The following HLCS variants were observed in gnomAD, a reference collection of about 807,000 sequenced individuals.
HLCS encodes the protein holocarboxylase synthetase.
A neutral mutation model predicts 75.0 loss-of-function variants in HLCS; 53 were observed. The ratio of observed to expected loss-of-function variants is 0.71; its 90% confidence interval spans 0.57 to 0.89. The LOEUF is 0.89. Among genes scored for constraint, HLCS ranks in the 40% least tolerant of loss-of-function variants. The pLI is 0.00. For missense variants in HLCS, 966 were observed against 1,074.0 expected, an observed-to-expected ratio of 0.90 and a Z score of 1.41; for synonymous variants, 431 against 428.6, an observed-to-expected ratio of 1.01 and a Z score of -0.07.
chr21:36,796,935 C>T (rs376106339), intron 6 of HLCS, among the ~76,000 whole-genome samples: 6 of 151,454 alleles, frequency 4.0e-5, no homozygotes, highest in African/African-American at 9.7e-5. Context: ...GGAGTGATCT[C>T]GGCTCACTGC....
chr21:36,909,833 T>TTTC (rs2065624393), intron 5 of HLCS, among the ~76,000 whole-genome samples: 1 of 152,242 alleles, frequency 6.6e-6, no homozygotes, highest in Non-Finnish European at 1.5e-5. Context: ...ATTCAAAATA[T>TTTC]TTCTTATGAT....
intron 2 of HLCS, among the ~76,000 whole-genome samples, chr21:36,949,281 G>A (rs1266269984): frequency 2.0e-5 from 3 of 152,264 alleles, no homozygotes; most frequent in African/African-American, 2.4e-5. Context: ...GCATCAGGTA[G>A]AGTGACTAAA....
chr21:36,809,295 C>CA (rs1263198113), intron 6 of HLCS, among the ~76,000 whole-genome samples: 1 of 152,110 alleles, frequency 6.6e-6, no homozygotes, highest in Non-Finnish European at 1.5e-5. Context: ...TTCTGGTCTG[C>CA]AAGGTTTCCA....
intron 2 of HLCS, among the ~76,000 whole-genome samples, chr21:36,942,104 C>T (rs2067167751): frequency 6.6e-6 from 1 of 151,938 alleles, no homozygotes; most frequent in African/African-American, 2.4e-5. Context: ...ACTCAGGAGG[C>T]AGAGGTTGCA....
intron 5 of HLCS, among the ~76,000 whole-genome samples, chr21:36,898,443 T>C (rs1430868502): frequency 2.0e-4 from 7 of 34,358 alleles, no homozygotes; most frequent in Non-Finnish European, 2.7e-4. Flanking sequence ...TGAAACTCCA[T>C]CTCAAAAAAA....
intron 6 of HLCS, among the ~76,000 whole-genome samples, chr21:36,892,957 C>T: frequency 6.6e-6 from 1 of 152,276 alleles, no homozygotes; most frequent in Admixed American, 6.5e-5. Context: ...ATAGTTTCAT[C>T]AAAGTGATAG....
At chr21:36,816,639 C>T (rs541968436) in intron 6 of HLCS, among the ~76,000 whole-genome samples, 3 of 152,270 alleles carry the variant, frequency 2.0e-5, no homozygotes, top group South Asian at 2.1e-4. Flanking sequence ...TCAAGCTAAG[C>T]CTCTACTGAG....
intron 6 of HLCS, among the ~76,000 whole-genome samples, chr21:36,815,370 T>C (rs935531484): frequency 1.3e-5 from 2 of 152,142 alleles, no homozygotes; most frequent in East Asian, 1.9e-4. Context: ...ATACAAAGAT[T>C]TGGTCTCTTC....
intron 6 of HLCS, among the ~76,000 whole-genome samples, chr21:36,875,737 C>A (rs531776429): frequency 2.6e-5 from 4 of 152,334 alleles, no homozygotes; most frequent in South Asian, 4.1e-4. Flanking sequence ...TTCCTGGATG[C>A]AGGACAAGAA....
intron 2 of HLCS, among the ~76,000 whole-genome samples, chr21:36,952,097 C>T (rs982516341): frequency 6.6e-6 from 1 of 151,800 alleles, no homozygotes; most frequent in Non-Finnish European, 1.5e-5. Context: ...ATATAAGATC[C>T]CATCAATTCA....
At chr21:36,817,723 G>A (rs1236858509) in intron 6 of HLCS, among the ~76,000 whole-genome samples, 3 of 152,178 alleles carry the variant, frequency 2.0e-5, no homozygotes, top group Non-Finnish European at 4.4e-5. Flanking sequence ...CTCCATTATT[G>A]GGAATGTTTA....
At chr21:36,816,706 G>A (rs1004592061) in intron 6 of HLCS, among the ~76,000 whole-genome samples, 1 of 152,184 alleles carries the variant, frequency 6.6e-6, no homozygotes, top group African/African-American at 2.4e-5. Context: ...ATGTGTTGTA[G>A]ATATAGAAAA....
rs1225315247 is a variant in HLCS at position 36,930,446 on chromosome 21, G to A, written c.1438-13C>T. The stretch of plus-strand genomic sequence containing the variant: ...GTTCTAAGTGCACCTGAAGGGGAAA[G>A]ATAGCACTATGTAAACTGAGGGCAC... On this transcript the variant is annotated splice_polypyrimidine_tract_variant and intron_variant, in intron 4 of 10. Coordinates refer to ENST00000674895, the MANE Select transcript of HLCS (RefSeq NM_001352514.2). 1 of 1,609,562 alleles carries A rather than the reference G, an allele frequency of 6.2e-7. No individual in the cohort carries two copies. Among genetic ancestry groups the A allele is most frequent in the Non-Finnish European group, 8.5e-7 (1 of 1,175,886 alleles).
At chr21:36,930,466 G>T in intron 4 of HLCS, 33 bp from the exon 5 acceptor site, 3 of 1,544,616 alleles carry the variant, frequency 1.9e-6, no homozygotes, top group Non-Finnish European at 2.7e-6. Flanking sequence ...TGTAAACTGA[G>T]GGCACTCACA....
In HLCS at chr21:36,962,108, T is replaced by C. The variant is rs2068327951; in HGVS notation, c.258A>G (p.Glu86=). The C allele has an allele frequency of 7.8e-7, 1 of 1,289,162 alleles. No individual in the cohort carries two copies. The highest frequency in any genetic ancestry group is 1.0e-6 in the Non-Finnish European group (1 of 988,272). The allele number at this position is 1,289,162 out of a possible 1,614,324, so 79.9% of individuals were successfully genotyped here. The change falls in exon 2 of 11, where the codon GAA becomes GAG. Residue 86 remains glutamate, a synonymous_variant. Transcript: ENST00000674895. ...TGCTCTCCGTCACAAATGCTATGTG[T>C]TCTGCTTCAAGTATAAAAGGAGACA... is the stretch of plus-strand genomic sequence containing the variant. ...FLVSPFILEA[E]HIAFVTESIW... is the part of the protein sequence containing the mutation.
rs938992671 is a variant in HLCS at position 36,936,460 on chromosome 21, C to T, written c.1426G>A (p.Val476Ile). The T allele has an allele frequency of 3.1e-6, 5 of 1,614,002 alleles. No individual in the cohort carries two copies. The highest frequency in any genetic ancestry group is 3.4e-6 in the Non-Finnish European group (4 of 1,179,836). Reference sequence around the variant, plus strand: ...GCTGCCCTGAGTACCTGGCAAAGAACAGCTTCTCCCCCGCGAGTTCCAAAA... The same window carrying T: ...GCTGCCCTGAGTACCTGGCAAAGAATAGCTTCTCCCCCGCGAGTTCCAAAA... ...VPFGTRGGEA[V>I]LCQVHLELPP... is the part of the protein sequence containing the mutation. Residue 476 changes from valine (V) to isoleucine (I), a missense_variant, in exon 4 of 11, where the codon GTT becomes ATT. Coordinates refer to ENST00000674895, the MANE Select transcript of HLCS (RefSeq NM_001352514.2).
At chr21:36,964,269 T>A (rs1293402869) in intron 1 of HLCS, among the ~76,000 whole-genome samples, 2 of 152,156 alleles carry the variant, frequency 1.3e-5, no homozygotes. Context: ...TCAGCCCAAG[T>A]AGACTGAGGT....
chr21:36,759,821 C>T lies in HLCS; in HGVS notation c.2142G>A (p.Lys714=). The T allele has an allele frequency of 6.2e-7, 1 of 1,612,068 alleles. No homozygotes were observed. The highest frequency in any genetic ancestry group is 1.1e-5 in the South Asian group (1 of 91,034). ...PEYQDINLRV[K]WPNDIYYSDL... Reference sequence around the variant, plus strand: ...CACTGTAATAAATATCGTTGGGCCACTTCACTCGTAAGTTGATATCCTAAA... The same window carrying T: ...CACTGTAATAAATATCGTTGGGCCATTTCACTCGTAAGTTGATATCCTAAA... Residue 714 remains lysine (K), a synonymous_variant, in exon 9 of 11, where the codon AAG becomes AAA. Coordinates refer to ENST00000674895, the MANE Select transcript of HLCS (RefSeq NM_001352514.2).
At chr21:36,921,248 C>T (rs1344091281) in intron 5 of HLCS, among the ~76,000 whole-genome samples, 2 of 152,186 alleles carry the variant, frequency 1.3e-5, no homozygotes, top group South Asian at 2.1e-4. Flanking sequence ...AGTCCAAGAC[C>T]AGCCTGACCA....
Sources: gnomAD v4.1 joint callset for allele counts (sites outside exome capture counted in the v4.1 genomes callset) on GRCh38, gnomAD v4.1.1 for gene constraint, MANE v1.5 for transcripts, NCBI Gene and HGNC (gene_info 2026-07-23, HGNC 2026-07-21) for gene names.